The following COL9A1 variants were observed in gnomAD, a reference collection of about 807,000 sequenced individuals.
COL9A1 encodes collagen alpha-1(IX) chain.
In COL9A1, 104 loss-of-function variants were observed where a neutral mutation model predicts 142.6. The ratio of observed to expected loss-of-function variants is 0.73; its 90% confidence interval spans 0.62 to 0.86. COL9A1 has a LOEUF of 0.86. COL9A1 is among the 40% of genes least tolerant of loss of function. The pLI is 0.00. For synonymous variants in COL9A1, 466 were observed against 396.0 expected, an observed-to-expected ratio of 1.18 and a Z score of -2.10; for missense variants, 1,210 against 1,176.6, an observed-to-expected ratio of 1.03 and a Z score of -0.42.
At position 70,300,166 on chromosome 6, in the gene COL9A1, A is replaced by C; in HGVS notation, c.176T>G (p.Leu59Arg). 2 of 1,613,994 alleles carry C rather than the reference A, an allele frequency of 1.2e-6. No homozygotes were observed. Among genetic ancestry groups the C allele is most frequent in the Non-Finnish European group, 1.7e-6 (2 of 1,179,934 alleles). ...TTTATCTACCTGGAACTGAGAGATC[A>C]GATCAAACCCTATAGAATGGGAATA... is the stretch of plus-strand genomic sequence containing the variant. Reference protein sequence around the residue: ...IGQDDLPGFDLISQFQVDKAA... With the variant: ...IGQDDLPGFDRISQFQVDKAA... The change falls in exon 4 of 38, where the codon CTG (leucine) becomes CGG (arginine). Residue 59 changes from leucine (L) to arginine (R), a missense_variant. Physicochemically the swap from Leu to Arg is moderately radical, Grantham distance 102 (BLOSUM62 -2). Coordinates refer to ENST00000357250, the MANE Select transcript of COL9A1 (RefSeq NM_001851.6).
At chr6:70,274,956 T>G in intron 10 of COL9A1, 184 bp from the exon 11 acceptor site, 1 of 596,396 alleles carries the variant, frequency 1.7e-6, no homozygotes, top group Admixed American at 2.9e-5. Flanking sequence ...AAGATCTGCC[T>G]GTTGTGATTA....
At position 70,216,822 on chromosome 6, in the gene COL9A1, C is replaced by A; in HGVS notation, c.*75G>T. The A allele has an allele frequency of 1.3e-6, 2 of 1,505,870 alleles. No individual in the cohort carries two copies. The highest frequency in any genetic ancestry group is 2.3e-5 in the South Asian group (2 of 87,438). The allele number at this position is 1,505,870 out of a possible 1,614,324, so 93.3% of individuals were successfully genotyped here. A position where few individuals can be genotyped will look rare whatever the true frequency, so the allele number is the denominator to read the frequency against. ...CTGAAGGTAATCATCTTTGCCCCAG[C>A]TTTGGATGGTGTTTCTCACCCAGGC... On this transcript the variant is annotated 3_prime_UTR_variant, in exon 38 of 38. Transcript: ENST00000357250.
intron 20 of COL9A1, among the ~76,000 whole-genome samples, chr6:70,260,420 G>A (rs1771595920): frequency 6.6e-6 from 1 of 151,926 alleles, no homozygotes; most frequent in Non-Finnish European, 1.5e-5. Flanking sequence ...GCAGGCGCCT[G>A]TAATCCCAGC....
chr6:70,251,990 C>T (rs1770973682), intron 28 of COL9A1, 130 bp downstream of exon 28: 4 of 965,258 alleles, frequency 4.1e-6, no homozygotes, highest in South Asian at 3.9e-5. Flanking sequence ...ATTTCATCTC[C>T]TTGTGTGTCT....
rs1458552093 is a variant in COL9A1 at position 70,303,020 on chromosome 6, A to G, written c.-96T>C. 7 of 1,324,222 alleles carry G rather than the reference A, an allele frequency of 5.3e-6. No homozygotes were observed. Among genetic ancestry groups the G allele is most frequent in the Non-Finnish European group, 4.4e-6 (4 of 916,250 alleles). 82.0% of individuals were successfully genotyped at this position (1,324,222 alleles called of 1,614,324 possible). A position where few individuals can be genotyped will look rare whatever the true frequency, so the allele number is the denominator to read the frequency against. On this transcript the variant is annotated 5_prime_UTR_variant, in exon 1 of 38. Transcript: ENST00000357250. ...CTCACGACCCCTTCACTGTTACCCTAGGACTATGTGTTCTGGGCCCAGCCT... is the reference window on the plus strand; with the variant it reads ...CTCACGACCCCTTCACTGTTACCCTGGGACTATGTGTTCTGGGCCCAGCCT...
chr6:70,289,529 G>A (rs1354745529), intron 5 of COL9A1, among the ~76,000 whole-genome samples: 2 of 152,100 alleles, frequency 1.3e-5, no homozygotes, highest in East Asian at 3.9e-4. Flanking sequence ...CTACAACGCA[G>A]CAGGCTGAGT....
intron 35 of COL9A1, among the ~76,000 whole-genome samples, chr6:70,233,804 T>C (rs59322080): frequency 0.36 from 54,787 of 152,118 alleles, 12,001 homozygotes; most frequent in Non-Finnish European, 0.51. Flanking sequence ...AACTAGACTG[T>C]CTAGTGAACA....
At chr6:70,275,044 G>GT (rs1772666657) in intron 10 of COL9A1, 2 of 448,484 alleles carry the variant, frequency 4.5e-6, no homozygotes, top group South Asian at 5.6e-5. Context: ...ATAATTCAGT[G>GT]TTTTTTGTCT....
At chr6:70,271,486 C>A (rs948916618) in intron 14 of COL9A1, among the ~76,000 whole-genome samples, 169 bp downstream of exon 14, 1 of 152,140 alleles carries the variant, frequency 6.6e-6, no homozygotes, top group Non-Finnish European at 1.5e-5. Context: ...AATCACTCTG[C>A]AAAAATTATT....
At position 70,242,715 on chromosome 6, in the gene COL9A1, C is replaced by A. The variant is rs1402163384; in HGVS notation, c.1873G>T (p.Gly625Cys). The A allele has an allele frequency of 6.2e-7, 1 of 1,613,738 alleles. No homozygotes were observed. The highest frequency in any genetic ancestry group is 1.3e-5 in the African/African-American group (1 of 74,906). Residue 625 changes from glycine (G) to cysteine (C), a missense_variant and splice_region_variant, in exon 29 of 38, where the codon GGC becomes TGC. Physicochemically the swap from Gly to Cys is radical, Grantham distance 159. Transcript: ENST00000357250. Reference protein sequence around the residue: ...VGPRGPQGLPGSRGELGPVGS... With the variant: ...VGPRGPQGLPCSRGELGPVGS... ...ACTGGTCCTAATTCTCCTCTACTGC[C>A]CTGTAAAAACACAAACATTGTCAAT...
intron 32 of COL9A1, 101 bp from the exon 33 acceptor site, chr6:70,239,387 C>G (rs978360270): frequency 1.2e-6 from 1 of 845,930 alleles, no homozygotes; most frequent in African/African-American, 1.7e-5. Flanking sequence ...TACGGAAAAC[C>G]ATGAACAGAT....
In COL9A1 at chr6:70,282,916, G is replaced by A; in HGVS notation, c.783C>T (p.Pro261=). The change falls in exon 7 of 38, where the codon CCC becomes CCT. Residue 261 remains proline (P), a splice_region_variant and synonymous_variant. Transcript: ENST00000357250. The part of the protein sequence containing the change: ...TCHELPARIT[P]SQTTDERGPP... ...AACTTACCTCGTCGGTGGTCTGGCT[G>A]GGCTGGAGAAGAAAAGATGGGGAGA... is the stretch of plus-strand genomic sequence containing the variant. 4.3e-6 allele frequency: 7 copies of A among 1,614,100 alleles called. No homozygotes were observed. Among genetic ancestry groups the A allele is most frequent in the Non-Finnish European group, 5.9e-6 (7 of 1,180,020 alleles).
At chr6:70,280,969 A>G (rs1773119927) in intron 9 of COL9A1, 35 bp downstream of exon 9, 3 of 1,613,488 alleles carry the variant, frequency 1.9e-6, no homozygotes, top group Admixed American at 3.3e-5. Context: ...GTCTAAAGGA[A>G]GGAAGTGGAG....
Position 70,294,417 on chromosome 6 carries a change from T to C in COL9A1, c.446A>G (p.Gln149Arg). 6.2e-7 allele frequency: 1 copy of C among 1,614,150 alleles called. No individual in the cohort carries two copies. The highest frequency in any genetic ancestry group is 8.5e-7 in the Non-Finnish European group (1 of 1,180,006). ...KEQVGIKING[Q>R]TQSVVFSYKG... Reference sequence around the variant, plus strand: ...GTATGAAAATACAACAGATTGTGTTTGGCCATTAATCTTTATGCCAACTTG... The same window carrying C: ...GTATGAAAATACAACAGATTGTGTTCGGCCATTAATCTTTATGCCAACTTG... The change falls in exon 5 of 38, where the codon CAA becomes CGA. Residue 149 changes from glutamine (Q) to arginine (R), a missense_variant. Transcript: ENST00000357250.
At chr6:70,254,132 A>G (rs1463483207) in intron 25 of COL9A1, among the ~76,000 whole-genome samples, 2 of 152,138 alleles carry the variant, frequency 1.3e-5, no homozygotes, top group Non-Finnish European at 2.9e-5. Flanking sequence ...GCTTAATCCT[A>G]CTAACAAGAG....
At chr6:70,264,463 A>T (rs1471040605) in intron 18 of COL9A1, among the ~76,000 whole-genome samples, 3 of 152,042 alleles carry the variant, frequency 2.0e-5, no homozygotes, top group African/African-American at 7.2e-5. Context: ...CAGTGGGAAG[A>T]GGCAGTCCCA....
chr6:70,230,534 A>G (rs540389149), intron 36 of COL9A1, among the ~76,000 whole-genome samples: 1 of 152,328 alleles, frequency 6.6e-6, no homozygotes, highest in South Asian at 2.1e-4. Context: ...TGATCAAGCT[A>G]TACTTGACAA....
rs111533861 is a variant in COL9A1, at chr6:70,268,937, A to G, written c.1231-77T>C. On this transcript the variant is annotated intron_variant, in intron 16 of 37. Coordinates refer to ENST00000357250, the MANE Select transcript of COL9A1 (RefSeq NM_001851.6). ...ACTAGGACTCCCGCTTTGTGACAGT[A>G]TCTTTTTTAAGGGATTCCAGTTACA... The G allele has an allele frequency of 7.5e-4, 956 of 1,279,572 alleles. 7 individuals carry two copies. The African/African-American group carries it at 0.011, about 15-fold the overall frequency. The allele number at this position is 1,279,572 out of a possible 1,614,324, so 79.3% of individuals were successfully genotyped here. A position where few individuals can be genotyped will look rare whatever the true frequency, so the allele number is the denominator to read the frequency against.
intron 32 of COL9A1, among the ~76,000 whole-genome samples, chr6:70,240,062 C>T (rs1480622591): frequency 6.6e-6 from 1 of 152,142 alleles, no homozygotes; most frequent in East Asian, 1.9e-4. Flanking sequence ...CCCCAAAGGA[C>T]CAAAACATAA....
Sources: gnomAD v4.1 joint callset for allele counts (sites outside exome capture counted in the v4.1 genomes callset) on GRCh38, gnomAD v4.1.1 for gene constraint, MANE v1.5 for transcripts, NCBI Gene and HGNC (gene_info 2026-07-23, HGNC 2026-07-21) for gene names.